The following IL1RAPL2 variants were observed in gnomAD, a reference collection of about 807,000 sequenced individuals.
IL1RAPL2 encodes interleukin 1 receptor accessory protein like 2.
In IL1RAPL2, 3 loss-of-function variants were observed where a neutral mutation model predicts 44.1. That is an observed-to-expected ratio of 0.07 (90% confidence interval 0.03 to 0.18). The LOEUF is 0.18. IL1RAPL2 is among the 10% of genes least tolerant of loss of function. The pLI is 1.00. For missense variants in IL1RAPL2, 391 were observed against 496.4 expected, an observed-to-expected ratio of 0.79 and a Z score of 2.02; for synonymous variants, 181 against 178.8, an observed-to-expected ratio of 1.01 and a Z score of -0.10.
At chrX:105,018,266 C>T (rs1356724020) in intron 2 of IL1RAPL2, among the ~76,000 whole-genome samples, 1 of 111,368 alleles carries the variant, frequency 9.0e-6, no homozygotes, top group Non-Finnish European at 1.9e-5. Context: ...TTCCTAATCC[C>T]TACCTTCTTA....
intron 5 of IL1RAPL2, among the ~76,000 whole-genome samples, chrX:105,447,490 T>C (rs1464324888): frequency 1.4e-5 from 1 of 73,888 alleles, no homozygotes; most frequent in Non-Finnish European, 2.3e-5. Context: ...TATAAATATA[T>C]AAACTTAAAT....
chrX:104,658,430 A>C (rs1930316016), intron 1 of IL1RAPL2, among the ~76,000 whole-genome samples: 1 of 111,915 alleles, frequency 8.9e-6, no homozygotes, highest in Non-Finnish European at 1.9e-5. Flanking sequence ...ACACTTGGAC[A>C]CAGGGCAGGG....
intron 2 of IL1RAPL2, among the ~76,000 whole-genome samples, chrX:105,018,017 C>T (rs1213352477): frequency 9.0e-6 from 1 of 111,393 alleles, no homozygotes. Flanking sequence ...AAAAGTGGTT[C>T]CCCCCACTAC....
intron 2 of IL1RAPL2, among the ~76,000 whole-genome samples, chrX:104,871,035 C>T (rs1262752082): frequency 9.0e-6 from 1 of 110,546 alleles, no homozygotes; most frequent in Non-Finnish European, 1.9e-5. Flanking sequence ...TTTCAGATCT[C>T]CCCAAAAGAC....
chrX:105,311,641 CAT>C (rs111798589), intron 5 of IL1RAPL2, among the ~76,000 whole-genome samples: 10,205 of 101,294 alleles, frequency 0.1, 1,205 homozygotes, highest in African/African-American at 0.33. Context: ...CACACACACA[CAT>C]ATATATATAT....
chrX:105,093,667 G>C (rs189823937), intron 2 of IL1RAPL2, among the ~76,000 whole-genome samples: 7 of 111,553 alleles, frequency 6.3e-5, no homozygotes, highest in African/African-American at 2.0e-4. Flanking sequence ...GAAGGCAAAG[G>C]GTTTGGTACA....
At chrX:105,643,780 T>C (rs2037585273) in intron 6 of IL1RAPL2, among the ~76,000 whole-genome samples, 1 of 112,421 alleles carries the variant, frequency 8.9e-6, no homozygotes, top group South Asian at 3.7e-4. Flanking sequence ...TGTATGCTGG[T>C]GATCTGATCC....
intron 4 of IL1RAPL2, among the ~76,000 whole-genome samples, chrX:105,237,670 G>A (rs782181142): frequency 1.2e-3 from 138 of 111,468 alleles, no homozygotes; most frequent in Non-Finnish European, 2.3e-3. Context: ...CATATCCTTC[G>A]CCCACTTGTT....
chrX:105,516,192 T>C (rs2036512486), intron 6 of IL1RAPL2, among the ~76,000 whole-genome samples: 1 of 112,400 alleles, frequency 8.9e-6, no homozygotes, highest in Non-Finnish European at 1.9e-5. Context: ...CAGCCAACCA[T>C]GTTTTCACCA....
chrX:104,633,335 T>C (rs895848343), intron 1 of IL1RAPL2, among the ~76,000 whole-genome samples: 34 of 111,714 alleles, frequency 3.0e-4, no homozygotes, highest in Non-Finnish European at 5.1e-4. Context: ...GGCTTTGGTA[T>C]CAGGATGATA....
intron 2 of IL1RAPL2, among the ~76,000 whole-genome samples, chrX:104,814,264 T>C (rs1457308069): frequency 1.8e-5 from 2 of 111,962 alleles, no homozygotes; most frequent in African/African-American, 6.5e-5. Context: ...TTTAAGAAGT[T>C]TTCTCCACTT....
intron 2 of IL1RAPL2, among the ~76,000 whole-genome samples, chrX:104,919,224 CTTTTT>C (rs35363128): frequency 1.0e-5 from 1 of 96,025 alleles, no homozygotes; most frequent in Admixed American, 1.1e-4. Context: ...CTTTTTCTTT[CTTTTT>C]TTTTTTTTTT....
chrX:105,039,854 T>C (rs989675440), intron 2 of IL1RAPL2, among the ~76,000 whole-genome samples: 1 of 111,264 alleles, frequency 9.0e-6, no homozygotes, highest in Non-Finnish European at 1.9e-5. Context: ...CCTTTTTTCC[T>C]AATTGAGTAC....
At chrX:105,292,198 A>G (rs952422167) in intron 5 of IL1RAPL2, among the ~76,000 whole-genome samples, 1 of 112,302 alleles carries the variant, frequency 8.9e-6, no homozygotes, top group Non-Finnish European at 1.9e-5. Flanking sequence ...TAACCAATGT[A>G]TGTTGTTATG....
intron 5 of IL1RAPL2, among the ~76,000 whole-genome samples, chrX:105,411,304 C>T (rs991604080): frequency 3.6e-5 from 4 of 111,344 alleles, no homozygotes; most frequent in African/African-American, 9.8e-5. Flanking sequence ...GAAGTAAGTT[C>T]GTACCTATCA....
chrX:104,732,997 T>G (rs1931949779), intron 2 of IL1RAPL2, among the ~76,000 whole-genome samples: 1 of 111,887 alleles, frequency 8.9e-6, no homozygotes, highest in South Asian at 3.7e-4. Flanking sequence ...ATTTAATGTC[T>G]TTGATAACCT....
intron 6 of IL1RAPL2, among the ~76,000 whole-genome samples, chrX:105,552,146 T>C (rs951807402): frequency 9.0e-6 from 1 of 111,065 alleles, no homozygotes; most frequent in African/African-American, 3.3e-5. Context: ...GACAAGATTT[T>C]GATTCCCTAT....
intron 5 of IL1RAPL2, among the ~76,000 whole-genome samples, chrX:105,302,040 T>C (rs968297812): frequency 1.8e-5 from 2 of 111,904 alleles, no homozygotes; most frequent in African/African-American, 6.5e-5. Flanking sequence ...TGCTTGTCTT[T>C]TGAATATAAG....
intron 2 of IL1RAPL2, among the ~76,000 whole-genome samples, chrX:105,133,573 TTATAA>T (rs1249146717): frequency 8.9e-6 from 1 of 111,825 alleles, no homozygotes; most frequent in African/African-American, 3.2e-5. Context: ...ATTACAAATA[TTATAA>T]TATTTTTGTT....
Sources: allele counts gnomAD v4.1 joint callset (sites outside exome capture counted in the v4.1 genomes callset), GRCh38; gene constraint gnomAD v4.1.1; transcripts MANE v1.5; gene names NCBI Gene and HGNC (gene_info 2026-07-23, HGNC 2026-07-21).